The following PTPRD variants were observed in gnomAD, a reference collection of about 807,000 sequenced individuals.
PTPRD encodes the protein receptor-type tyrosine-protein phosphatase delta.
In PTPRD, 34 loss-of-function variants were observed where a neutral mutation model predicts 214.5. The ratio of observed to expected loss-of-function variants is 0.16; its 90% CI spans 0.12 to 0.21. The LOEUF is 0.21. PTPRD is among the 10% of genes least tolerant of loss of function. The probability of loss-of-function intolerance (pLI) is 1.00; values close to 1 mark genes in which losing one functional copy is unlikely to be tolerated. For synonymous variants in PTPRD, 1,128 were observed against 845.7 expected (o/e 1.33, Z -5.79); for missense variants, 2,545 against 2,398.7 (o/e 1.06, Z -1.27).
chr9:8,834,054 A>G (rs992943939), intron 11 of PTPRD, among the ~76,000 whole-genome samples: 3 of 152,196 alleles, frequency 2.0e-5, no homozygotes, highest in Admixed American at 2.0e-4. Flanking sequence ...AATAATGCCT[A>G]GTCTTTTTCA....
At chr9:8,851,890 A>T (rs2097823189) in intron 11 of PTPRD, among the ~76,000 whole-genome samples, 1 of 152,094 alleles carries the variant, frequency 6.6e-6, no homozygotes. Flanking sequence ...TGTAGCCTAA[A>T]AAGAAAGGAA....
chr9:8,506,475 C>A (rs374990133), intron 22 of PTPRD, among the ~76,000 whole-genome samples: 8 of 152,160 alleles, frequency 5.3e-5, no homozygotes, highest in Non-Finnish European at 1.2e-4. Context: ...AAGCAGTAGA[C>A]CCTAACCGTT....
chr9:8,880,232 T>C (rs919596412), intron 11 of PTPRD, among the ~76,000 whole-genome samples: 5 of 152,050 alleles, frequency 3.3e-5, no homozygotes, highest in African/African-American at 1.2e-4. Flanking sequence ...GCTGGGAGGG[T>C]AGCCATGTTT....
At chr9:10,204,082 G>A (rs970751054) in intron 3 of PTPRD, among the ~76,000 whole-genome samples, 3 of 152,068 alleles carry the variant, frequency 2.0e-5, no homozygotes, top group African/African-American at 7.2e-5. Flanking sequence ...TGCCATTGCT[G>A]CTAAATCTCT....
chr9:9,543,112 C>T (rs773859255), intron 8 of PTPRD, among the ~76,000 whole-genome samples: 8 of 151,472 alleles, frequency 5.3e-5, no homozygotes, highest in Admixed American at 1.3e-4. Flanking sequence ...AACGAAATAC[C>T]GCTTAGCCAT....
At chr9:9,970,331 T>C (rs1175741820) in intron 4 of PTPRD, among the ~76,000 whole-genome samples, 1 of 149,194 alleles carries the variant, frequency 6.7e-6, no homozygotes, top group Non-Finnish European at 1.5e-5. Flanking sequence ...GCACCTGTAG[T>C]CCCAGCTACT....
intron 9 of PTPRD, among the ~76,000 whole-genome samples, chr9:9,290,743 A>T (rs972462997): frequency 6.6e-6 from 1 of 151,574 alleles, no homozygotes; most frequent in African/African-American, 2.4e-5. Flanking sequence ...GAAAGTTAAC[A>T]TGTGGAAATG....
intron 8 of PTPRD, among the ~76,000 whole-genome samples, chr9:9,500,002 C>G (rs1156260990): frequency 2.0e-5 from 3 of 152,042 alleles, no homozygotes; most frequent in African/African-American, 7.2e-5. Context: ...TGGGCTGCCC[C>G]TTGAATATTA....
chr9:9,491,359 T>A (rs773469445), intron 8 of PTPRD, among the ~76,000 whole-genome samples: 5 of 151,944 alleles, frequency 3.3e-5, no homozygotes, highest in African/African-American at 1.2e-4. Context: ...GGGACTTTAA[T>A]AGTCAACTCT....
At chr9:9,323,120 T>A (rs933651474) in intron 9 of PTPRD, among the ~76,000 whole-genome samples, 4 of 152,122 alleles carry the variant, frequency 2.6e-5, no homozygotes, top group Non-Finnish European at 4.4e-5. Flanking sequence ...TATATCAGAA[T>A]GATGTATTTG....
At chr9:8,465,802 G>T in intron 31 of PTPRD, 127 bp from the exon 32 acceptor site, 1 of 698,892 alleles carries the variant, frequency 1.4e-6, no homozygotes, top group Non-Finnish European at 2.4e-6. Flanking sequence ...ATTTCATATA[G>T]CACATCAGCA....
intron 11 of PTPRD, among the ~76,000 whole-genome samples, chr9:8,881,627 G>A (rs1432400230): frequency 6.6e-6 from 1 of 152,184 alleles, no homozygotes; most frequent in African/African-American, 2.4e-5. Flanking sequence ...CTAAAAGTGT[G>A]GAAGCATAGT....
chr9:10,160,669 A>G (rs1256171724), intron 3 of PTPRD, among the ~76,000 whole-genome samples: 1 of 151,960 alleles, frequency 6.6e-6, no homozygotes, highest in Non-Finnish European at 1.5e-5. Flanking sequence ...CTAGAACAAA[A>G]CAAGGATACT....
At chr9:9,468,418 AAC>A (rs2094367899) in intron 8 of PTPRD, among the ~76,000 whole-genome samples, 1 of 152,034 alleles carries the variant, frequency 6.6e-6, no homozygotes, top group Non-Finnish European at 1.5e-5. Context: ...TATATCTGTA[AAC>A]ACATACACAA....
chr9:8,905,471 G>C (rs1377996109), intron 11 of PTPRD, among the ~76,000 whole-genome samples: 1 of 152,004 alleles, frequency 6.6e-6, no homozygotes, highest in Non-Finnish European at 1.5e-5. Flanking sequence ...GGACGTCGTG[G>C]CTCACATCTG....
At chr9:9,881,081 G>A (rs1165301328) in intron 5 of PTPRD, among the ~76,000 whole-genome samples, 2 of 152,092 alleles carry the variant, frequency 1.3e-5, no homozygotes, top group East Asian at 1.9e-4. Flanking sequence ...CATTTTGGAA[G>A]GGTATATTCT....
rs762449228 is a variant in PTPRD, at chr9:9,164,373, C to A, written c.-143+18931G>T. Among the ~76,000 whole-genome samples the A allele has an allele frequency of 2.6e-5, 4 of 152,098 alleles. No homozygotes were observed. The East Asian group carries it at 7.7e-4, about 29-fold the overall frequency. ...TCCCACATTGATTTTCTGCCTCTCT[C>A]GTTCTCTTATAAGGATCTTGGTGAT... On this transcript the variant is annotated intron_variant, in intron 10 of 45. Coordinates refer to ENST00000381196, the MANE Select transcript of PTPRD (RefSeq NM_002839.4).
intron 34 of PTPRD, among the ~76,000 whole-genome samples, chr9:8,443,975 G>T (rs1484824354): frequency 1.3e-5 from 2 of 152,032 alleles, no homozygotes; most frequent in East Asian, 3.9e-4. Flanking sequence ...CAATTCTAAA[G>T]GCCATGGGCC....
chr9:10,157,628 T>A (rs1344878148), intron 3 of PTPRD, among the ~76,000 whole-genome samples: 1 of 152,150 alleles, frequency 6.6e-6, no homozygotes, highest in Non-Finnish European at 1.5e-5. Context: ...ATGATCTTCT[T>A]GTGAAGTATC....
Sources: allele counts gnomAD v4.1 joint callset (sites outside exome capture counted in the v4.1 genomes callset), GRCh38; gene constraint gnomAD v4.1.1; transcripts MANE v1.5; gene names NCBI Gene and HGNC (gene_info 2026-07-23, HGNC 2026-07-21).